The following TSNARE1 variants were observed in gnomAD, a reference collection of about 807,000 sequenced individuals.
The protein encoded by TSNARE1 is t-SNARE domain-containing protein 1.
In TSNARE1, 49 loss-of-function variants were observed where a neutral mutation model predicts 62.0. That is an observed-to-expected ratio of 0.79 (90% CI 0.63 to 1.00). The LOEUF (loss-of-function observed/expected upper bound fraction) is 1.00. TSNARE1 is among the 50% of genes least tolerant of loss of function. The pLI, the probability that TSNARE1 is intolerant of heterozygous loss-of-function variation, is 0.00. For missense variants in TSNARE1, 755 were observed against 700.1 expected (o/e 1.08, Z -0.88); for synonymous variants, 328 against 294.4 (o/e 1.11, Z -1.17).
Position 142,331,823 on chromosome 8 carries a change from C to T in TSNARE1, c.754G>A (p.Val252Ile). Residue 252 changes from valine (V) to isoleucine (I), a missense_variant, in exon 5 of 14, where the codon GTC (valine) becomes ATC (isoleucine). Coordinates refer to ENST00000524325, the MANE Select transcript of TSNARE1 (RefSeq NM_145003.5). ...AGCTCCTGGAGGTTGCACGGATCGA[C>T]CTGGGTGGCTGGGAGAAGACAGGGA... ...FSLEPPRATQVDPCNLQELFQ... is the reference protein window; with the variant it reads ...FSLEPPRATQIDPCNLQELFQ... The T allele has an allele frequency of 1.2e-6, 2 of 1,608,232 alleles. No individual in the cohort carries two copies. Among genetic ancestry groups the T allele is most frequent in the East Asian group, 2.2e-5 (1 of 44,596 alleles).
chr8:142,300,540 A>G lies in TSNARE1; in HGVS notation c.1236T>C (p.Thr412=). 6.2e-7 allele frequency: 1 copy of G among 1,611,982 alleles called. No individual in the cohort carries two copies. The highest frequency in any genetic ancestry group is 1.3e-5 in the African/African-American group (1 of 75,052). The stretch of plus-strand genomic sequence containing the variant: ...GCCGGATGGCCTCCAGGTCCTCTTC[A>G]GTGATGTCCGGGAGCAGCGCCTGCT... The part of the protein sequence containing the change: ...GQEQALLPDI[T]EEDLEAIRLR... Residue 412 remains threonine, a synonymous_variant, in exon 10 of 14, where the codon ACT becomes ACC. Coordinates refer to ENST00000524325, the MANE Select transcript of TSNARE1 (RefSeq NM_145003.5).
chr8:142,334,610 A>G (rs761698508), intron 4 of TSNARE1, among the ~76,000 whole-genome samples: 1 of 152,056 alleles, frequency 6.6e-6, no homozygotes, highest in Admixed American at 6.5e-5. Flanking sequence ...CCAATCCACA[A>G]GCAGAATAAA....
At chr8:142,395,350 G>A (rs1837821722) in intron 1 of TSNARE1, among the ~76,000 whole-genome samples, 1 of 152,138 alleles carries the variant, frequency 6.6e-6, no homozygotes, top group African/African-American at 2.4e-5. Flanking sequence ...AGGGGATGGG[G>A]CTGACTCCTG....
chr8:142,275,646 A>C (rs991232308), intron 11 of TSNARE1: 7 of 985,466 alleles, frequency 7.1e-6, no homozygotes, highest in Non-Finnish European at 8.4e-6. Context: ...AGCACGGGCA[A>C]GCCTTCTTCC....
chr8:142,270,607 G>C, intron 12 of TSNARE1: 1 of 985,226 alleles, frequency 1.0e-6, no homozygotes, highest in Non-Finnish European at 1.2e-6. Context: ...TGCCCTCCAA[G>C]TGTGCATGCC....
At chr8:142,296,888 C>A (rs552494779) in intron 10 of TSNARE1, among the ~76,000 whole-genome samples, 1 of 152,078 alleles carries the variant, frequency 6.6e-6, no homozygotes, top group African/African-American at 2.4e-5. Context: ...CTGCCCAGAA[C>A]GGAGGCTGGC....
chr8:142,310,640 A>G (rs1827423590), intron 9 of TSNARE1, among the ~76,000 whole-genome samples: 1 of 152,194 alleles, frequency 6.6e-6, no homozygotes, highest in Admixed American at 6.5e-5. Flanking sequence ...TGCGTTTTGA[A>G]GGCACATTTC....
intron 10 of TSNARE1, among the ~76,000 whole-genome samples, chr8:142,294,247 C>T (rs767040474): frequency 1.1e-4 from 17 of 152,018 alleles, no homozygotes; most frequent in Non-Finnish European, 2.1e-4. Context: ...CTGGGAGAAT[C>T]GAAGGGCATG....
chr8:142,286,679 G>A (rs1822821315), intron 10 of TSNARE1, among the ~76,000 whole-genome samples: 1 of 152,222 alleles, frequency 6.6e-6, no homozygotes, highest in Non-Finnish European at 1.5e-5. Flanking sequence ...ACCAAGCCTA[G>A]GCTCCATCCT....
chr8:142,247,440 A>C (rs538177281), intron 12 of TSNARE1: 3 of 152,194 alleles, frequency 2.0e-5, no homozygotes, highest in Non-Finnish European at 4.4e-5. Context: ...TCTCTCATTC[A>C]AAGTAGAAAT....
chr8:142,387,210 C>A (rs767941498), intron 1 of TSNARE1, among the ~76,000 whole-genome samples: 1 of 152,096 alleles, frequency 6.6e-6, no homozygotes, highest in Admixed American at 6.6e-5. Flanking sequence ...GAAAAACTCT[C>A]GAACCAAAAA....
intron 13 of TSNARE1, among the ~76,000 whole-genome samples, chr8:142,223,298 C>CTCATT (rs1816571405): frequency 9.1e-5 from 5 of 55,064 alleles, no homozygotes; most frequent in Admixed American, 1.8e-4. Flanking sequence ...ACTCACTCAA[C>CTCATT]CACTCACTCA....
chr8:142,350,570 G>C (rs1052670282), intron 2 of TSNARE1, among the ~76,000 whole-genome samples: 2 of 152,078 alleles, frequency 1.3e-5, no homozygotes, highest in African/African-American at 4.8e-5. Flanking sequence ...ACCAAGAATA[G>C]AACCACCATC....
At chr8:142,298,130 G>C (rs1825077338) in intron 10 of TSNARE1, among the ~76,000 whole-genome samples, 1 of 152,220 alleles carries the variant, frequency 6.6e-6, no homozygotes, top group East Asian at 1.9e-4. Flanking sequence ...CTCTGGTCTA[G>C]ATGCAAGCCC....
Position 142,319,713 on chromosome 8 carries a change from A to G in TSNARE1, c.894-1079T>C, listed in dbSNP as rs1226612925. 6.6e-6 allele frequency among the ~76,000 whole-genome samples: 1 copy of G among 152,112 alleles called. No homozygotes were observed. The highest frequency in any genetic ancestry group is 1.5e-5 in the Non-Finnish European group (1 of 68,002). Reference sequence around the variant, plus strand: ...AGCCTGGCACCACCACTGCAGGCCAAGCCTACAGGAGCGGGGCCCACCTCC... The same window carrying G: ...AGCCTGGCACCACCACTGCAGGCCAGGCCTACAGGAGCGGGGCCCACCTCC... On this transcript the variant is annotated intron_variant, in intron 6 of 13. Transcript: ENST00000524325. This position sits in a 1 kb window ranked among gnomAD's most constrained non-coding sequence, Gnocchi z 4.9.
chr8:142,378,802 CGT>C (rs1381147605), intron 1 of TSNARE1, among the ~76,000 whole-genome samples: 8 of 152,204 alleles, frequency 5.3e-5, no homozygotes, highest in Admixed American at 4.6e-4. Context: ...GGCGCACGGG[CGT>C]GTTAGGTGCT....
At chr8:142,233,693 G>A (rs932327824) in intron 12 of TSNARE1, among the ~76,000 whole-genome samples, 7 of 152,170 alleles carry the variant, frequency 4.6e-5, no homozygotes, top group Admixed American at 2.0e-4. Context: ...TGCCCCCAGC[G>A]GGAACCAGTG....
intron 1 of TSNARE1, among the ~76,000 whole-genome samples, chr8:142,367,193 G>A (rs898255688): frequency 2.6e-5 from 4 of 152,136 alleles, no homozygotes; most frequent in Non-Finnish European, 5.9e-5. Context: ...TTTTCCTATC[G>A]CAATAAAAAT....
intron 13 of TSNARE1, among the ~76,000 whole-genome samples, chr8:142,216,926 G>A (rs1025647637): frequency 6.6e-6 from 1 of 152,166 alleles, no homozygotes; most frequent in Non-Finnish European, 1.5e-5. Context: ...AGGGAGAGGA[G>A]ACGGTAGGTG....
Sources: gnomAD v4.1 joint callset for allele counts (sites outside exome capture counted in the v4.1 genomes callset) on GRCh38, gnomAD v4.1.1 for gene constraint, Gnocchi (gnomAD v3.1) non-coding constraint, MANE v1.5 for transcripts, NCBI Gene and HGNC (gene_info 2026-07-23, HGNC 2026-07-21) for gene names.